SLTM: variants seen among roughly 807,000 people sequenced by gnomAD.
The protein encoded by SLTM is SAFB like transcription modulator.
SLTM carries 43 observed loss-of-function variants against 134.6 expected under a neutral mutation model. The ratio of observed to expected loss-of-function variants is 0.32; its 90% CI spans 0.25 to 0.41. The LOEUF is 0.41. SLTM is among the 10% of genes least tolerant of loss of function. SLTM has a pLI of 1.00. For missense variants in SLTM, 1,055 were observed against 1,288.8 expected, an observed-to-expected ratio of 0.82 and a Z score of 2.78; for synonymous variants, 424 against 432.3, an observed-to-expected ratio of 0.98 and a Z score of 0.24.
intron 2 of SLTM, among the ~76,000 whole-genome samples, chr15:58,922,377 C>CAA (rs59996812): frequency 0.55 from 33,369 of 61,090 alleles, 10,818 homozygotes; most frequent in Non-Finnish European, 0.66. Flanking sequence ...AACTCTGCCT[C>CAA]AAAAAAAAAA....
chr15:58,893,090 A>C, intron 13 of SLTM, 30 bp from the exon 14 acceptor site: 1 of 1,548,454 alleles, frequency 6.5e-7, no homozygotes, highest in Admixed American at 2.3e-5. Context: ...GAACACTAGA[A>C]ATTAAAATAT....
intron 8 of SLTM, chr15:58,897,492 C>A: frequency 3.1e-6 from 1 of 320,634 alleles, no homozygotes; most frequent in Non-Finnish European, 5.8e-6. Flanking sequence ...CAGACTTTTG[C>A]TGTTCAGTTT....
chr15:58,879,989 G>C lies in SLTM; in HGVS notation c.*10C>G. 1 of 1,612,776 alleles carries C rather than the reference G, an allele frequency of 6.2e-7. No homozygotes were observed. On this transcript the variant is annotated 3_prime_UTR_variant, in exon 21 of 21. Coordinates refer to ENST00000380516, the MANE Select transcript of SLTM (RefSeq NM_024755.4). ...TAAATTATCTTAAAACCTTGGCAGAGAGCTCATTTTCAGAATCGTCGCGGA... is the reference window on the plus strand; with the variant it reads ...TAAATTATCTTAAAACCTTGGCAGACAGCTCATTTTCAGAATCGTCGCGGA...
At position 58,912,351 on chromosome 15, in the gene SLTM, G is replaced by A. The variant is rs577175346; in HGVS notation, c.561+212C>T. Among the ~76,000 whole-genome samples, 70 of 152,112 alleles carry A rather than the reference G, an allele frequency of 4.6e-4. 1 individual carries two copies. In the South Asian group the frequency reaches 6.4e-3, roughly 14 times the overall value. On this transcript the variant is annotated intron_variant, in intron 5 of 20. Coordinates refer to ENST00000380516, the MANE Select transcript of SLTM (RefSeq NM_024755.4). Reference sequence around the variant, plus strand: ...CCTGACCTCGTGAACCGCCCGCCTCGGCCTCCCAAAGTGCTGGGATTACAG... The same window carrying A: ...CCTGACCTCGTGAACCGCCCGCCTCAGCCTCCCAAAGTGCTGGGATTACAG...
rs1027419321 is a variant in SLTM, at chr15:58,893,080, G to C, written c.1735-20C>G. 1.9e-6 allele frequency: 3 copies of C among 1,556,904 alleles called. No homozygotes were observed. Among genetic ancestry groups the C allele is most frequent in the Non-Finnish European group, 2.6e-6 (3 of 1,158,712 alleles). Reference sequence around the variant, plus strand: ...ATGAATCTGTAGAAAAAAATTAGAAGAACACTAGAAATTAAAATATTTTGG... The same window carrying C: ...ATGAATCTGTAGAAAAAAATTAGAACAACACTAGAAATTAAAATATTTTGG... On this transcript the variant is annotated intron_variant, in intron 13 of 20. Coordinates refer to ENST00000380516, the MANE Select transcript of SLTM (RefSeq NM_024755.4).
intron 2 of SLTM, among the ~76,000 whole-genome samples, chr15:58,920,976 T>A (rs1026463645): frequency 3.3e-5 from 5 of 152,168 alleles, no homozygotes; most frequent in Non-Finnish European, 7.4e-5. Flanking sequence ...AAATAAAAAA[T>A]TTTTAAAATA....
rs1427156271 is a variant in SLTM at position 58,922,575 on chromosome 15, A to G, written c.251-5576T>C. Among the ~76,000 whole-genome samples the G allele has an allele frequency of 4.1e-5, 6 of 145,050 alleles. No homozygotes were observed. In the East Asian group the frequency reaches 1.2e-3, roughly 28 times the overall value. On this transcript the variant is annotated intron_variant, in intron 2 of 20. Transcript: ENST00000380516. ...ATATAATATGTATATAATATATATT[A>G]TATACGTATAAAATATATATTATAT...
chr15:58,893,705 C>T lies in SLTM; in HGVS notation c.1648+116G>A. Reference sequence around the variant, plus strand: ...TCCTACTAGACCTCCTTTCCTACCACAATGACACCTAACAACAAAGCTTAT... The same window carrying T: ...TCCTACTAGACCTCCTTTCCTACCATAATGACACCTAACAACAAAGCTTAT... On this transcript the variant is annotated intron_variant, in intron 12 of 20. Transcript: ENST00000380516. 3 of 1,138,798 alleles carry T rather than the reference C, an allele frequency of 2.6e-6. No homozygotes were observed. In the South Asian group the frequency reaches 4.8e-5, roughly 18 times the overall value. The allele number at this position is 1,138,798 out of a possible 1,614,324, so 70.5% of individuals were successfully genotyped here. A position where few individuals can be genotyped will look rare whatever the true frequency, so the allele number is the denominator to read the frequency against.
chr15:58,913,791 A>T (rs1231178372), intron 3 of SLTM, 95 bp from the exon 4 acceptor site: 3 of 858,846 alleles, frequency 3.5e-6, no homozygotes, highest in Non-Finnish European at 5.6e-6. Flanking sequence ...AAATGTGTCA[A>T]ATTTGATCAT....
chr15:58,916,533 T>G (rs1353826952), intron 3 of SLTM: 2 of 156,864 alleles, frequency 1.3e-5, no homozygotes, highest in Non-Finnish European at 2.8e-5. Context: ...TATTTTAAGG[T>G]CTACATTAAT....
chr15:58,916,801 T>G, intron 3 of SLTM, 134 bp downstream of exon 3: 2 of 613,382 alleles, frequency 3.3e-6, no homozygotes, highest in Non-Finnish European at 5.7e-6. Context: ...ATATTAAACG[T>G]TGTCAATATT....
At position 58,933,613 on chromosome 15, in the gene SLTM, G is replaced by T; in HGVS notation, c.-48C>A. On this transcript the variant is annotated 5_prime_UTR_variant, in exon 1 of 21. Coordinates refer to ENST00000380516, the MANE Select transcript of SLTM (RefSeq NM_024755.4). The stretch of plus-strand genomic sequence containing the variant: ...GAGGCAGCGAGTGGGCTGCAGGGCG[G>T]CGGCAGCAGCGCCAACTTCCACCCA... 1 of 1,493,842 alleles carries T rather than the reference G, an allele frequency of 6.7e-7. No individual in the cohort carries two copies. The highest frequency in any genetic ancestry group is 2.7e-5 in the East Asian group (1 of 36,784). 92.5% of individuals were successfully genotyped at this position (1,493,842 alleles called of 1,614,324 possible). A position where few individuals can be genotyped will look rare whatever the true frequency, so the allele number is the denominator to read the frequency against.
At position 58,893,335 on chromosome 15, in the gene SLTM, G is replaced by A. The variant is rs2034814773; in HGVS notation, c.1678C>T (p.Leu560=). 1.2e-6 allele frequency: 2 copies of A among 1,610,082 alleles called. No individual in the cohort carries two copies. Among genetic ancestry groups the A allele is most frequent in the East Asian group, 2.2e-5 (1 of 44,712 alleles). The stretch of plus-strand genomic sequence containing the variant: ...CAATGATCTCCTTTAGTTTGGTCTA[G>A]TATTACCATATGTCCTGGACTCTTG... ...SSKSPGHMVI[L]DQTKGDHCRP... Residue 560 remains leucine, a synonymous_variant, in exon 13 of 21, where the codon CTA becomes TTA. Transcript: ENST00000380516.
At chr15:58,920,037 C>T (rs1206345124) in intron 2 of SLTM, among the ~76,000 whole-genome samples, 4 of 152,032 alleles carry the variant, frequency 2.6e-5, no homozygotes, top group African/African-American at 7.2e-5. Flanking sequence ...TCTTTGAGGC[C>T]GGGCGCAGTG....
chr15:58,880,363 A>G (rs2033596172), intron 20 of SLTM, among the ~76,000 whole-genome samples: 1 of 152,158 alleles, frequency 6.6e-6, no homozygotes, highest in Non-Finnish European at 1.5e-5. Context: ...TTGAAGCCCC[A>G]TTACTTCAGA....
chr15:58,881,093 C>A (rs1201353292), intron 20 of SLTM, among the ~76,000 whole-genome samples: 1 of 151,756 alleles, frequency 6.6e-6, no homozygotes. Context: ...CCGAGGCGGG[C>A]GGATCAAGGA....
At chr15:58,929,448 C>CA (rs1379846120) in intron 2 of SLTM, among the ~76,000 whole-genome samples, 1 of 150,986 alleles carries the variant, frequency 6.6e-6, no homozygotes, top group Non-Finnish European at 1.5e-5. Flanking sequence ...AACTCCATCT[C>CA]AAAAAAAAGA....
At chr15:58,930,818 A>C (rs1163432940) in intron 2 of SLTM, among the ~76,000 whole-genome samples, 2 of 150,770 alleles carry the variant, frequency 1.3e-5, no homozygotes, top group African/African-American at 4.9e-5. Flanking sequence ...AAACCCTTAA[A>C]ATTTTATATT....
intron 1 of SLTM, among the ~76,000 whole-genome samples, 161 bp from the exon 2 acceptor site, chr15:58,932,604 G>A (rs2037955890): frequency 6.6e-6 from 1 of 151,960 alleles, no homozygotes; most frequent in South Asian, 2.1e-4. Context: ...CTACACGAAA[G>A]AGTGAGAGAA....
Sources: allele counts gnomAD v4.1 joint callset (sites outside exome capture counted in the v4.1 genomes callset), GRCh38; gene constraint gnomAD v4.1.1; transcripts MANE v1.5; gene names NCBI Gene and HGNC (gene_info 2026-07-23, HGNC 2026-07-21).